The following FAT3 variants were observed in gnomAD, a reference collection of about 807,000 sequenced individuals.
FAT3 encodes the protein FAT atypical cadherin 3.
FAT3 carries 95 observed loss-of-function variants against 310.2 expected under a neutral mutation model. The ratio of observed to expected loss-of-function variants is 0.31; its 90% CI spans 0.26 to 0.36. The LOEUF is 0.36. Among genes scored for constraint, FAT3 ranks in the 10% least tolerant of loss-of-function variants. FAT3 has a pLI of 1.00. For synonymous variants in FAT3, 2,314 were observed against 2,192.9 expected (o/e 1.06, Z -1.54); for missense variants, 5,408 against 5,715.6 (o/e 0.95, Z 1.74).
intron 3 of FAT3, among the ~76,000 whole-genome samples, chr11:92,552,481 T>G (rs902828706): frequency 2.6e-5 from 4 of 152,148 alleles, no homozygotes; most frequent in South Asian, 4.1e-4. Context: ...GTTCTTAAAA[T>G]GTATGCTAGA....
At chr11:92,593,881 A>G (rs1424206568) in intron 3 of FAT3, among the ~76,000 whole-genome samples, 2 of 152,216 alleles carry the variant, frequency 1.3e-5, no homozygotes, top group South Asian at 2.1e-4. Context: ...AATTTTTGTT[A>G]TAAAGCGTTA....
chr11:92,307,974 A>AT lies in FAT3; in HGVS notation c.-17-44112dup, dbSNP rs764617094. Reference sequence around the variant, plus strand: ...GATCTTTAGTAATTTTATCAGAGGGATTTTTTTTTTCTTTTAACCAGATGT... The same window carrying AT: ...GATCTTTAGTAATTTTATCAGAGGGATTTTTTTTTTTCTTTTAACCAGATGT... On this transcript the variant is annotated intron_variant, in intron 1 of 27. Transcript: ENST00000525166. Among the ~76,000 whole-genome samples the AT allele has an allele frequency of 1.1e-3, 159 of 150,198 alleles. 1 individual carries two copies. Among genetic ancestry groups the AT allele is most frequent in the East Asian group, 3.3e-3 (17 of 5,124 alleles).
Position 92,799,361 on chromosome 11 carries a change from T to G in FAT3, c.6348T>G (p.Asn2116Lys). 6.2e-7 allele frequency: 1 copy of G among 1,613,874 alleles called. No homozygotes were observed. The highest frequency in any genetic ancestry group is 8.5e-7 in the Non-Finnish European group (1 of 1,179,852). The change falls in exon 10 of 28, where the codon AAT becomes AAG. Residue 2116 changes from asparagine (N) to lysine (K), a missense_variant. By Grantham distance (94) the Asn-to-Lys change is moderately conservative. This residue lies in a region of FAT3 where 4,588 missense variants were observed against 4,809.8 expected (regional missense o/e 0.95). Transcript: ENST00000525166. ...CCATTGACAAAGATAAAGGTCCAAA[T>G]GGAGAAGTGACCTATGTCCTGCAGG... ...VTAIDKDKGP[N>K]GEVTYVLQDD... is the part of the protein sequence containing the mutation.
intron 3 of FAT3, among the ~76,000 whole-genome samples, chr11:92,610,003 A>G (rs1355436969): frequency 1.3e-5 from 2 of 152,206 alleles, no homozygotes; most frequent in Non-Finnish European, 2.9e-5. Context: ...GTACATTGAT[A>G]CTGCACAAAG....
chr11:92,291,126 C>T (rs1013487030), intron 1 of FAT3, among the ~76,000 whole-genome samples: 11 of 150,530 alleles, frequency 7.3e-5, no homozygotes, highest in South Asian at 2.1e-4. Context: ...CATGCACGCG[C>T]GCAGAAGTAG....
Position 92,801,140 on chromosome 11 carries a change from C to G in FAT3, c.8127C>G (p.Thr2709=). 1 of 1,613,938 alleles carries G rather than the reference C, an allele frequency of 6.2e-7. No homozygotes were observed. Among genetic ancestry groups the G allele is most frequent in the Admixed American group, 1.7e-5 (1 of 60,024 alleles). ...CTGAAACGTTCTTGCCATCATTCAC[C>G]CAGTCTCAGTATTCCTTTACCATTG... ...LPPETFLPSF[T]QSQYSFTIAE... Residue 2709 remains threonine (T), a synonymous_variant, in exon 10 of 28, where the codon ACC becomes ACG. Coordinates refer to ENST00000525166, the MANE Select transcript of FAT3 (RefSeq NM_001367949.2).
intron 6 of FAT3, among the ~76,000 whole-genome samples, chr11:92,768,286 T>C (rs1946370631): frequency 1.3e-5 from 2 of 152,206 alleles, no homozygotes; most frequent in African/African-American, 2.4e-5. Context: ...CTTTTCCAAA[T>C]TGAACTTACT....
chr11:92,329,392 C>T lies in FAT3; in HGVS notation c.-17-22704C>T, dbSNP rs190442769. ...TGCTCTCTTGCTTCCTCTCCTGCCA[C>T]GTGATCTCTGCACATGCTGACTTCC... On this transcript the variant is annotated intron_variant, in intron 1 of 27. Transcript: ENST00000525166. 3.1e-3 allele frequency among the ~76,000 whole-genome samples: 477 copies of T among 152,132 alleles called. 1 individual carries two copies. The highest frequency in any genetic ancestry group is 0.011 in the African/African-American group (452 of 41,492).
At chr11:92,752,936 A>G (rs1565565986) in intron 4 of FAT3, among the ~76,000 whole-genome samples, 1 of 152,384 alleles carries the variant, frequency 6.6e-6, no homozygotes, top group East Asian at 1.9e-4. Flanking sequence ...CTCATTATAT[A>G]TAATAAATCA....
At chr11:92,311,366 T>C (rs1286599480) in intron 1 of FAT3, among the ~76,000 whole-genome samples, 2 of 152,214 alleles carry the variant, frequency 1.3e-5, no homozygotes, top group Non-Finnish European at 2.9e-5. Context: ...CCTTTAATGA[T>C]ATTTTCTTTA....
chr11:92,472,591 G>A (rs10830917), intron 2 of FAT3, among the ~76,000 whole-genome samples: 8,019 of 152,188 alleles, frequency 0.053, 434 homozygotes, highest in African/African-American at 0.13. Context: ...AATTCAAGTC[G>A]ACACATGTTT....
chr11:92,396,193 T>A (rs513024), intron 2 of FAT3, among the ~76,000 whole-genome samples: 18,253 of 152,192 alleles, frequency 0.12, 1,133 homozygotes, highest in South Asian at 0.18. Context: ...GAGCCAGGCA[T>A]TTTACAACTT....
At chr11:92,846,729 A>T (rs1948692925) in intron 19 of FAT3, among the ~76,000 whole-genome samples, 1 of 152,178 alleles carries the variant, frequency 6.6e-6, no homozygotes, top group Non-Finnish European at 1.5e-5. Context: ...GAATGCCAGA[A>T]GGTTTTGTGA....
intron 3 of FAT3, among the ~76,000 whole-genome samples, chr11:92,566,917 C>G (rs11020005): frequency 0.39 from 59,185 of 151,776 alleles, 12,266 homozygotes; most frequent in Middle Eastern, 0.52. Context: ...AACGTTAGAC[C>G]TAAAACCATA....
intron 1 of FAT3, among the ~76,000 whole-genome samples, chr11:92,284,558 T>C (rs1946512767): frequency 6.6e-6 from 1 of 152,054 alleles, no homozygotes. Flanking sequence ...GGGAAGATAG[T>C]CAGGGCTCTT....
chr11:92,288,095 G>A (rs958500306), intron 1 of FAT3, among the ~76,000 whole-genome samples: 12 of 151,880 alleles, frequency 7.9e-5, no homozygotes, highest in African/African-American at 2.9e-4. Context: ...ATAAATGATT[G>A]GATAAAAAAA....
intron 3 of FAT3, among the ~76,000 whole-genome samples, chr11:92,533,501 A>G (rs1386039978): frequency 1.3e-5 from 2 of 152,164 alleles, no homozygotes; most frequent in Non-Finnish European, 2.9e-5. Flanking sequence ...GCAGATTTGG[A>G]TCTTCGAGTT....
chr11:92,814,091 A>G (rs1312126980), intron 13 of FAT3, among the ~76,000 whole-genome samples: 1 of 152,204 alleles, frequency 6.6e-6, no homozygotes, highest in African/African-American at 2.4e-5. Context: ...CACCAACACC[A>G]AATCTGCTGG....
Position 92,582,385 on chromosome 11 carries a change from A to G in FAT3, c.3607+57437A>G, listed in dbSNP as rs76185632. Among the ~76,000 whole-genome samples, 931 of 152,148 alleles carry G rather than the reference A, an allele frequency of 6.1e-3. 6 individuals carry two copies. Among genetic ancestry groups the G allele is most frequent in the Middle Eastern group, 0.02 (6 of 294 alleles). On this transcript the variant is annotated intron_variant, in intron 3 of 27. Transcript: ENST00000525166. Reference sequence around the variant, plus strand: ...TGGTTCACGTGCCTCTGACACTGCTAGATAAAATATAGGATGCAAATAATA... The same window carrying G: ...TGGTTCACGTGCCTCTGACACTGCTGGATAAAATATAGGATGCAAATAATA...
Sources: gnomAD v4.1 joint callset for allele counts (sites outside exome capture counted in the v4.1 genomes callset) on GRCh38, gnomAD v4.1.1 for gene constraint, gnomAD v4.1.1 regional missense constraint, MANE v1.5 for transcripts, NCBI Gene and HGNC (gene_info 2026-07-23, HGNC 2026-07-21) for gene names.